Variants in SOX5 observed in about 807,000 individuals in gnomAD.
SOX5 encodes SRY-box transcription factor 5.
SOX5 carries 9 observed loss-of-function variants against 92.0 expected under a neutral mutation model. The observed-to-expected ratio is 0.10, with a 90% CI of 0.06 to 0.17. The LOEUF is 0.17. SOX5 is among the 10% of genes least tolerant of loss of function. The probability of loss-of-function intolerance (pLI) is 1.00; values close to 1 mark genes in which losing one functional copy is unlikely to be tolerated. For missense variants in SOX5, 642 were observed against 944.5 expected, an observed-to-expected ratio of 0.68 and a Z score of 4.20; for synonymous variants, 344 against 336.3, an observed-to-expected ratio of 1.02 and a Z score of -0.25.
At chr12:24,083,027 G>A (rs1943557623) in intron 4 of SOX5, among the ~76,000 whole-genome samples, 1 of 151,914 alleles carries the variant, frequency 6.6e-6, no homozygotes, top group African/African-American at 2.4e-5. Context: ...CTATTATTCT[G>A]TCATGTTAAA....
chr12:24,234,033 T>C (rs1253825761), intron 3 of SOX5, among the ~76,000 whole-genome samples: 5 of 152,196 alleles, frequency 3.3e-5, no homozygotes, highest in Admixed American at 3.3e-4. Flanking sequence ...TCTGTCCAAA[T>C]CTACACACGG....
chr12:24,473,593 TTAGG>T (rs1945037267), intron 1 of SOX5, among the ~76,000 whole-genome samples: 1 of 152,254 alleles, frequency 6.6e-6, no homozygotes, highest in Admixed American at 6.5e-5. Context: ...GAAAATGTTT[TTAGG>T]TTTTTTTGCT....
At chr12:23,728,143 T>C (rs929765619) in intron 6 of SOX5, among the ~76,000 whole-genome samples, 2 of 152,204 alleles carry the variant, frequency 1.3e-5, no homozygotes, top group Non-Finnish European at 2.9e-5. Context: ...ATGGAAGTTA[T>C]GCATCCAGAA....
intron 4 of SOX5, among the ~76,000 whole-genome samples, chr12:24,014,016 T>G (rs1953274109): frequency 6.6e-6 from 1 of 152,206 alleles, no homozygotes; most frequent in Admixed American, 6.6e-5. Context: ...TAATACCATT[T>G]GAAGAGAAGT....
intron 4 of SOX5, among the ~76,000 whole-genome samples, chr12:24,135,009 G>C (rs1949990120): frequency 6.6e-6 from 1 of 152,122 alleles, no homozygotes; most frequent in South Asian, 2.1e-4. Context: ...AGGCTGCAAA[G>C]ACAGACACAG....
chr12:23,779,187 C>A (rs190500284), intron 3 of SOX5, among the ~76,000 whole-genome samples: 3 of 152,136 alleles, frequency 2.0e-5, no homozygotes, highest in South Asian at 2.1e-4. Flanking sequence ...CAATACTCAC[C>A]TAATGTAGGC....
At chr12:23,607,243 G>T (rs554650609) in intron 8 of SOX5, among the ~76,000 whole-genome samples, 9 of 152,180 alleles carry the variant, frequency 5.9e-5, no homozygotes, top group Non-Finnish European at 1.3e-4. Context: ...CACATTTTGT[G>T]TCATAGATAT....
intron 4 of SOX5, among the ~76,000 whole-genome samples, chr12:24,076,699 CTTTTTTT>C (rs11302877): frequency 6.8e-5 from 7 of 102,864 alleles, no homozygotes; most frequent in South Asian, 3.4e-4. Context: ...CCAAAGCTGC[CTTTTTTT>C]TTTTTTTTTT....
At position 23,695,940 on chromosome 12, in the gene SOX5, CAAAAAAAAAAAA is replaced by C. The variant is rs71059917; in HGVS notation, c.811-30388_811-30377del. ...TGGGTGACAGAGCGAGACTCTGTCT[CAAAAAAAAAAAA>C]AAAAAAAAAAAAAAAAGAACACAAC... On this transcript the variant is annotated intron_variant, in intron 6 of 14. Coordinates refer to ENST00000451604, the MANE Select transcript of SOX5 (RefSeq NM_006940.6). Among the ~76,000 whole-genome samples, 19 of 11,908 alleles carry C rather than the reference CAAAAAAAAAAAA, an allele frequency of 1.6e-3. No individual in the cohort carries two copies. In the East Asian group the frequency reaches 0.042, roughly 26 times the overall value. The allele number at this position is 11,908 out of a possible 152,430, so 7.8% of individuals were successfully genotyped here. A position where few individuals can be genotyped will look rare whatever the true frequency, so the allele number is the denominator to read the frequency against.
intron 9 of SOX5, chr12:23,603,833 G>T (rs2074887337): frequency 6.6e-6 from 1 of 152,040 alleles, no homozygotes; most frequent in South Asian, 2.1e-4. Context: ...CATTGGGCGG[G>T]TGATTTATCT....
intron 2 of SOX5, among the ~76,000 whole-genome samples, chr12:23,849,260 A>T (rs2096605517): frequency 6.6e-6 from 1 of 152,220 alleles, no homozygotes; most frequent in Non-Finnish European, 1.5e-5. Flanking sequence ...TTATAAACTG[A>T]AATTAAGTTC....
intron 2 of SOX5, among the ~76,000 whole-genome samples, chr12:23,885,615 G>A (rs1382444561): frequency 6.6e-6 from 1 of 152,132 alleles, no homozygotes; most frequent in East Asian, 1.9e-4. Flanking sequence ...TGATGTCAGT[G>A]TCACAGAGCT....
At chr12:23,785,733 G>A (rs10771028) in intron 3 of SOX5, among the ~76,000 whole-genome samples, 85,748 of 151,914 alleles carry the variant, frequency 0.56, 24,493 homozygotes, top group East Asian at 0.81. Context: ...ATATACATAT[G>A]CCCAGACACA....
intron 1 of SOX5, among the ~76,000 whole-genome samples, chr12:24,507,452 A>T (rs1487680802): frequency 6.6e-6 from 1 of 152,040 alleles, no homozygotes; most frequent in Admixed American, 6.6e-5. Context: ...ACTCTATATG[A>T]CAACTGACCT....
At chr12:23,713,945 A>T (rs1490419373) in intron 6 of SOX5, among the ~76,000 whole-genome samples, 2 of 151,132 alleles carry the variant, frequency 1.3e-5, no homozygotes, top group African/African-American at 4.9e-5. Context: ...TTCAAAAATT[A>T]GTTGGGTGTG....
chr12:24,262,744 G>A (rs1448603884), intron 3 of SOX5, among the ~76,000 whole-genome samples: 1 of 152,082 alleles, frequency 6.6e-6, no homozygotes, highest in Non-Finnish European at 1.5e-5. Flanking sequence ...GAAGACAAAG[G>A]TCCCATTTTC....
chr12:23,597,343 C>A (rs973621631), intron 9 of SOX5, among the ~76,000 whole-genome samples: 10 of 152,084 alleles, frequency 6.6e-5, no homozygotes, highest in African/African-American at 9.7e-5. Flanking sequence ...AAAAATGTGA[C>A]CAACCCTCAA....
intron 8 of SOX5, among the ~76,000 whole-genome samples, chr12:23,622,627 G>T (rs966280339): frequency 3.3e-5 from 5 of 152,006 alleles, no homozygotes; most frequent in Admixed American, 3.3e-4. Flanking sequence ...CACATAATTG[G>T]GAAAATTTAC....
chr12:23,584,405 G>T, intron 9 of SOX5: 1 of 673,248 alleles, frequency 1.5e-6, no homozygotes, highest in Non-Finnish European at 2.7e-6. Flanking sequence ...TGAAAAGTTT[G>T]GTCTGGTTAT....
Sources: allele counts gnomAD v4.1 joint callset (sites outside exome capture counted in the v4.1 genomes callset), GRCh38; gene constraint gnomAD v4.1.1; transcripts MANE v1.5; gene names NCBI Gene and HGNC (gene_info 2026-07-23, HGNC 2026-07-21).